Variants in SCN9A observed in about 807,000 individuals in gnomAD.
The protein encoded by SCN9A is sodium channel protein type 9 subunit alpha.
Under a neutral mutation model 187.0 loss-of-function variants are expected in SCN9A, and 131 were observed. That is an observed-to-expected ratio of 0.70 (90% CI 0.61 to 0.81). The LOEUF is 0.81. Among genes scored for constraint, SCN9A ranks in the 30% least tolerant of loss-of-function variants. The probability of loss-of-function intolerance (pLI) is 0.00; values close to 1 mark genes in which losing one functional copy is unlikely to be tolerated. For missense variants in SCN9A, 2,252 were observed against 2,396.6 expected (o/e 0.94, Z 1.26); for synonymous variants, 809 against 808.6 (o/e 1.00, Z -0.01).
chr2:166,370,945 T>C (rs1323025440), intron 1 of SCN9A, among the ~76,000 whole-genome samples: 1 of 152,200 alleles, frequency 6.6e-6, no homozygotes, highest in Non-Finnish European at 1.5e-5. Context: ...TGTATTTTGA[T>C]AAATGATTCA....
At chr2:166,211,258 G>T (rs1180685751) in intron 24 of SCN9A, among the ~76,000 whole-genome samples, 1 of 151,876 alleles carries the variant, frequency 6.6e-6, no homozygotes, top group Admixed American at 6.6e-5. Context: ...AATACTTAAA[G>T]AAAAAAACTG....
At chr2:166,235,547 G>A (rs975582105) in intron 20 of SCN9A, among the ~76,000 whole-genome samples, 1 of 152,180 alleles carries the variant, frequency 6.6e-6, no homozygotes, top group African/African-American at 2.4e-5. Flanking sequence ...CAGAGTTTCT[G>A]ATTCAGTATG....
chr2:166,373,740 A>T (rs1282081162), intron 1 of SCN9A, among the ~76,000 whole-genome samples: 1 of 152,208 alleles, frequency 6.6e-6, no homozygotes, highest in Admixed American at 6.5e-5. Context: ...TATCATTATG[A>T]CATCTAGAAT....
At position 166,368,759 on chromosome 2, in the gene SCN9A, G is replaced by A. The variant is rs535082824; in HGVS notation, c.-51+6938C>T. Among the ~76,000 whole-genome samples, 22 of 151,596 alleles carry A rather than the reference G, an allele frequency of 1.5e-4. No homozygotes were observed. The South Asian group carries it at 4.2e-3, about 29-fold the overall frequency. ...TCCCAGCACTTTGGGGGGCCTAGGC[G>A]GGCAGATCACCTGAACTCAGGAGTT... On this transcript the variant is annotated intron_variant, in intron 1 of 26. Transcript: ENST00000642356.
intron 2 of SCN9A, 22 bp downstream of exon 2, chr2:166,311,477 A>G: frequency 1.3e-6 from 2 of 1,497,980 alleles, no homozygotes; most frequent in Non-Finnish European, 1.8e-6. Context: ...GAAACTGACC[A>G]CTGAAGTCAA....
chr2:166,270,915 GA>G (rs1181833210), intron 17 of SCN9A, among the ~76,000 whole-genome samples: 1 of 151,918 alleles, frequency 6.6e-6, no homozygotes, highest in African/African-American at 2.4e-5. Context: ...ATGAGCTAGA[GA>G]AAACAAAAGA....
At chr2:166,246,003 GAAATAC>G (rs1695772175) in intron 18 of SCN9A, among the ~76,000 whole-genome samples, 2 of 151,864 alleles carry the variant, frequency 1.3e-5, no homozygotes, top group Non-Finnish European at 2.9e-5. Context: ...CAGCTCTATA[GAAATAC>G]AGCAAACAAG....
intron 1 of SCN9A, among the ~76,000 whole-genome samples, chr2:166,373,587 G>T (rs1357845990): frequency 6.6e-6 from 1 of 152,154 alleles, no homozygotes; most frequent in African/African-American, 2.4e-5. Context: ...TCTACTTACA[G>T]GCTGGAAAGG....
chr2:166,336,291 G>A (rs1699625800), intron 1 of SCN9A, among the ~76,000 whole-genome samples: 1 of 152,090 alleles, frequency 6.6e-6, no homozygotes, highest in African/African-American at 2.4e-5. Flanking sequence ...GGCTCCAACT[G>A]TCAAATTTTT....
chr2:166,297,581 G>A (rs1226724547), intron 7 of SCN9A, among the ~76,000 whole-genome samples: 1 of 151,906 alleles, frequency 6.6e-6, no homozygotes, highest in African/African-American at 2.4e-5. Flanking sequence ...GGGACAGAAA[G>A]TAGATTAGTG....
chr2:166,258,460 T>C (rs1188381056), intron 17 of SCN9A, among the ~76,000 whole-genome samples: 4 of 151,552 alleles, frequency 2.6e-5, no homozygotes, highest in Non-Finnish European at 5.9e-5. Context: ...TTATCACTTA[T>C]TCATTCATAG....
chr2:166,280,317 A>C (rs756922592), intron 14 of SCN9A, 40 bp downstream of exon 14: 1 of 1,133,832 alleles, frequency 8.8e-7, no homozygotes, highest in South Asian at 1.5e-5. Flanking sequence ...ACAACTAAAA[A>C]GAGAAACTAT....
intron 24 of SCN9A, among the ~76,000 whole-genome samples, chr2:166,217,400 G>A (rs73017559): frequency 0.12 from 17,623 of 151,888 alleles, 1,308 homozygotes; most frequent in African/African-American, 0.21. Context: ...AGCAAACGAA[G>A]CAATAACAGA....
At chr2:166,330,818 T>C (rs759000378) in intron 1 of SCN9A, among the ~76,000 whole-genome samples, 8 of 152,054 alleles carry the variant, frequency 5.3e-5, no homozygotes, top group Non-Finnish European at 1.2e-4. Flanking sequence ...AGAACTCAGG[T>C]GGTAATGTTC....
chr2:166,258,941 T>C (rs1386080926), intron 17 of SCN9A, among the ~76,000 whole-genome samples: 2 of 151,676 alleles, frequency 1.3e-5, no homozygotes, highest in Non-Finnish European at 3.0e-5. Context: ...ACATTCTGCA[T>C]TTTACTTTTA....
chr2:166,217,267 A>G (rs1234096877), intron 24 of SCN9A, among the ~76,000 whole-genome samples: 1 of 152,074 alleles, frequency 6.6e-6, no homozygotes, highest in African/African-American at 2.4e-5. Flanking sequence ...AGAAGAAAAC[A>G]TAAAAGAAAA....
chr2:166,206,166 A>G (rs573727199), intron 24 of SCN9A, among the ~76,000 whole-genome samples: 1 of 152,284 alleles, frequency 6.6e-6, no homozygotes, highest in African/African-American at 2.4e-5. Flanking sequence ...ATTACTGGGT[A>G]TATACTCAAG....
intron 10 of SCN9A, among the ~76,000 whole-genome samples, 167 bp from the exon 11 acceptor site, chr2:166,286,790 G>T (rs1697769668): frequency 6.6e-6 from 1 of 152,076 alleles, no homozygotes; most frequent in African/African-American, 2.4e-5. Flanking sequence ...TGCTTACAAA[G>T]TATATATTTG....
intron 24 of SCN9A, among the ~76,000 whole-genome samples, chr2:166,224,793 C>T (rs1448359534): frequency 5.9e-5 from 9 of 152,094 alleles, no homozygotes; most frequent in African/African-American, 1.9e-4. Flanking sequence ...TTTTGTAAAG[C>T]TCAGTCTCTA....
Sources: allele counts gnomAD v4.1 joint callset (sites outside exome capture counted in the v4.1 genomes callset), GRCh38; gene constraint gnomAD v4.1.1; transcripts MANE v1.5; gene names NCBI Gene and HGNC (gene_info 2026-07-23, HGNC 2026-07-21).